Variants in TMEM87A observed in about 807,000 individuals in gnomAD.
TMEM87A encodes the protein Golgi-pH regulating cation channel.
TMEM87A carries 50 observed loss-of-function variants against 90.0 expected under a neutral mutation model. That is an observed-to-expected ratio of 0.56 (90% CI 0.44 to 0.70). The LOEUF is 0.70. Among genes scored for constraint, TMEM87A ranks in the 30% least tolerant of loss-of-function variants. The probability of loss-of-function intolerance (pLI) is 0.00; values close to 1 mark genes in which losing one functional copy is unlikely to be tolerated. For synonymous variants in TMEM87A, 226 were observed against 226.7 expected (o/e 1.00, Z 0.03); for missense variants, 577 against 660.5 (o/e 0.87, Z 1.39).
At chr15:42,241,191 G>T (rs1467061877) in intron 7 of TMEM87A, among the ~76,000 whole-genome samples, 1 of 152,114 alleles carries the variant, frequency 6.6e-6, no homozygotes, top group African/African-American at 2.4e-5. Context: ...TATTTGACAG[G>T]CCTATGGAAA....
intron 12 of TMEM87A, 79 bp from the exon 13 acceptor site, chr15:42,228,899 C>T: frequency 9.7e-7 from 1 of 1,028,874 alleles, no homozygotes; most frequent in Admixed American, 2.5e-5. Context: ...CTTTAAGGAT[C>T]TGGGGTCATG....
At chr15:42,264,702 T>A (rs940159237) in intron 3 of TMEM87A, among the ~76,000 whole-genome samples, 4 of 147,050 alleles carry the variant, frequency 2.7e-5, no homozygotes, top group African/African-American at 9.8e-5. Flanking sequence ...TATATATATT[T>A]TTTTTTTAAC....
intron 3 of TMEM87A, among the ~76,000 whole-genome samples, chr15:42,266,552 T>C (rs1291610004): frequency 6.6e-6 from 1 of 151,980 alleles, no homozygotes; most frequent in African/African-American, 2.4e-5. Context: ...AATAATAGTA[T>C]GCTATTTGAC....
Position 42,211,535 on chromosome 15 carries a change from G to T in TMEM87A, c.*173C>A. 1 of 605,378 alleles carries T rather than the reference G, an allele frequency of 1.7e-6. No homozygotes were observed. The highest frequency in any genetic ancestry group is 2.9e-6 in the Non-Finnish European group (1 of 347,996). The allele number at this position is 605,378 out of a possible 1,614,324, so 37.5% of individuals were successfully genotyped here. The stretch of plus-strand genomic sequence containing the variant: ...TTCTCATCTTATGAACTTGTTTTCA[G>T]TAAGATGTTCTCTTTGTTCTGACAC... On this transcript the variant is annotated 3_prime_UTR_variant, in exon 20 of 20. Coordinates refer to ENST00000389834, the MANE Select transcript of TMEM87A (RefSeq NM_015497.5).
intron 1 of TMEM87A, chr15:42,272,955 G>A (rs1230381090): frequency 1.8e-6 from 1 of 562,262 alleles, no homozygotes; most frequent in South Asian, 1.5e-5. Flanking sequence ...ACAACTCTCC[G>A]TTTGTACATC....
At chr15:42,212,400 G>C (rs2050305959) in intron 19 of TMEM87A, among the ~76,000 whole-genome samples, 1 of 151,988 alleles carries the variant, frequency 6.6e-6, no homozygotes, top group African/African-American at 2.4e-5. Flanking sequence ...AATCCTTTTT[G>C]AATATAATCA....
intron 3 of TMEM87A, among the ~76,000 whole-genome samples, chr15:42,267,451 A>G (rs1197856615): frequency 6.6e-6 from 1 of 152,186 alleles, no homozygotes; most frequent in African/African-American, 2.4e-5. Flanking sequence ...TCCCAACTAT[A>G]TATCTGTATG....
At chr15:42,233,697 C>T (rs997939007) in intron 10 of TMEM87A, among the ~76,000 whole-genome samples, 10 of 152,094 alleles carry the variant, frequency 6.6e-5, no homozygotes, top group Admixed American at 1.3e-4. Flanking sequence ...GACAGTATAT[C>T]TTTGATATAT....
At chr15:42,251,367 A>AGCACAG (rs1287039154) in intron 6 of TMEM87A, among the ~76,000 whole-genome samples, 1 of 152,176 alleles carries the variant, frequency 6.6e-6, no homozygotes, top group Non-Finnish European at 1.5e-5. Context: ...GTTTCTCCCC[A>AGCACAG]TCTTTGTGGT....
chr15:42,230,628 CA>C (rs1362186387), intron 12 of TMEM87A, among the ~76,000 whole-genome samples: 5 of 152,084 alleles, frequency 3.3e-5, no homozygotes, highest in Non-Finnish European at 5.9e-5. Context: ...GTAAATGAAT[CA>C]ATTATTTATT....
At chr15:42,231,849 A>G in intron 11 of TMEM87A, 1 of 1,271,258 alleles carries the variant, frequency 7.9e-7, no homozygotes, top group Non-Finnish European at 1.0e-6. Flanking sequence ...GATATCCATA[A>G]AATAACACAG....
chr15:42,271,017 C>T (rs1443121025), intron 2 of TMEM87A, among the ~76,000 whole-genome samples: 4 of 152,192 alleles, frequency 2.6e-5, no homozygotes, highest in African/African-American at 9.6e-5. Context: ...TCCGTGAAGA[C>T]AGTATGCATA....
At chr15:42,243,328 C>G (rs991470320) in intron 7 of TMEM87A, among the ~76,000 whole-genome samples, 6 of 148,074 alleles carry the variant, frequency 4.1e-5, no homozygotes, top group African/African-American at 1.5e-4. Context: ...AAAAAGAAAG[C>G]AGGGGAGGAA....
intron 15 of TMEM87A, among the ~76,000 whole-genome samples, chr15:42,221,718 T>A (rs1225980910): frequency 4.6e-5 from 7 of 152,030 alleles, no homozygotes; most frequent in Admixed American, 2.6e-4. Flanking sequence ...AAAAAAATTT[T>A]AAAAATAAAG....
chr15:42,249,123 T>C (rs1255966100), intron 6 of TMEM87A, among the ~76,000 whole-genome samples: 2 of 152,254 alleles, frequency 1.3e-5, no homozygotes, highest in African/African-American at 4.8e-5. Context: ...GTGGGATCAG[T>C]AGTGATATCC....
At chr15:42,262,357 C>T (rs577626029) in intron 4 of TMEM87A, 1 of 152,262 alleles carries the variant, frequency 6.6e-6, no homozygotes, top group Non-Finnish European at 1.5e-5. Context: ...CTTTTCCCTC[C>T]AAGACCATAA....
intron 19 of TMEM87A, among the ~76,000 whole-genome samples, chr15:42,214,127 G>C (rs534835622): frequency 2.0e-5 from 3 of 151,714 alleles, no homozygotes; most frequent in African/African-American, 7.3e-5. Flanking sequence ...GAAAATCCGG[G>C]GGGGGAACAC....
In TMEM87A at chr15:42,264,175, T is replaced by C; in HGVS notation, c.320A>G (p.Lys107Arg). The change falls in exon 4 of 20, where the codon AAA becomes AGA. Residue 107 changes from lysine to arginine, a missense_variant. Transcript: ENST00000389834. ...KAEEVELYLEKLKEKRGLSGK... is the reference protein window; with the variant it reads ...KAEEVELYLERLKEKRGLSGK... ...AGACAAGCCTCTTTTTTCCTTAAGTTTTTCCAAATACAACTCTACTTCTTC... is the reference window on the plus strand; with the variant it reads ...AGACAAGCCTCTTTTTTCCTTAAGTCTTTCCAAATACAACTCTACTTCTTC... The C allele has an allele frequency of 6.2e-7, 1 of 1,613,748 alleles. No homozygotes were observed. Among genetic ancestry groups the C allele is most frequent in the Non-Finnish European group, 8.5e-7 (1 of 1,179,838 alleles).
chr15:42,220,264 T>C (rs1338623686), intron 15 of TMEM87A, 129 bp from the exon 16 acceptor site: 2 of 664,812 alleles, frequency 3.0e-6, no homozygotes, highest in Non-Finnish European at 5.0e-6. Context: ...TTAATAATAA[T>C]ATTTCTTCCC....
Sources: allele counts gnomAD v4.1 joint callset (sites outside exome capture counted in the v4.1 genomes callset), GRCh38; gene constraint gnomAD v4.1.1; transcripts MANE v1.5; gene names NCBI Gene and HGNC (gene_info 2026-07-23, HGNC 2026-07-21).